The following ESR1 variants were observed in gnomAD, a reference collection of about 807,000 sequenced individuals.
The protein encoded by ESR1 is estrogen receptor.
A neutral mutation model predicts 52.7 loss-of-function variants in ESR1; 12 were observed. That is an observed-to-expected ratio of 0.23 (90% CI 0.15 to 0.37). The LOEUF is 0.37. ESR1 is among the 10% of genes least tolerant of loss of function. ESR1 has a pLI of 1.00. For synonymous variants in ESR1, 305 were observed against 316.8 expected, an observed-to-expected ratio of 0.96 and a Z score of 0.39; for missense variants, 584 against 779.7, an observed-to-expected ratio of 0.75 and a Z score of 2.99.
chr6:151,860,502 A>G (rs1788675186), intron 2 of ESR1, among the ~76,000 whole-genome samples: 1 of 152,204 alleles, frequency 6.6e-6, no homozygotes, highest in Non-Finnish European at 1.5e-5. Context: ...ATATGTATAT[A>G]TAATTGTGTG....
intron 2 of ESR1, among the ~76,000 whole-genome samples, chr6:151,762,219 C>T (rs753588341): frequency 5.9e-5 from 9 of 152,098 alleles, no homozygotes; most frequent in Admixed American, 1.3e-4. Context: ...ATTCTGACAC[C>T]GTTATCTATT....
chr6:151,658,721 G>C (rs929433916), intron 1 of ESR1, among the ~76,000 whole-genome samples: 2 of 151,880 alleles, frequency 1.3e-5, no homozygotes, highest in Admixed American at 1.3e-4. Flanking sequence ...CTATATTCTG[G>C]GCACTGTTCT....
chr6:152,120,275 G>T lies in ESR1; in HGVS notation c.851-4991G>T, dbSNP rs149332995. Reference sequence around the variant, plus strand: ...GGACTTCTCCTTCCAGATATCGGGAGGAGTGACAGGAAAGTGAGGGAAGAG... The same window carrying T: ...GGACTTCTCCTTCCAGATATCGGGATGAGTGACAGGAAAGTGAGGGAAGAG... On this transcript the variant is annotated intron_variant, in intron 6 of 6. Coordinates refer to the ESR1 transcript ENST00000427531. Among the ~76,000 whole-genome samples, 753 of 152,326 alleles carry T rather than the reference G, an allele frequency of 4.9e-3. 2 individuals carry two copies. Among genetic ancestry groups the T allele is most frequent in the Non-Finnish European group, 7.8e-3 (530 of 68,032 alleles).
At chr6:151,940,604 C>T (rs918798779) in intron 3 of ESR1, among the ~76,000 whole-genome samples, 37 of 152,186 alleles carry the variant, frequency 2.4e-4, no homozygotes, top group Admixed American at 2.4e-3. Context: ...TCCTAAATTC[C>T]TCCAAGAAGG....
intron 6 of ESR1, among the ~76,000 whole-genome samples, chr6:152,085,900 G>A (rs183505659): frequency 6.0e-4 from 92 of 152,282 alleles, no homozygotes; most frequent in African/African-American, 2.1e-3. Flanking sequence ...TATTGGTGTG[G>A]TCATCCTTGG....
chr6:152,050,062 C>T (rs562409691), intron 5 of ESR1, among the ~76,000 whole-genome samples: 1 of 152,304 alleles, frequency 6.6e-6, no homozygotes, highest in East Asian at 1.9e-4. Context: ...GGTCGGCTTC[C>T]TTTCATAGAT....
chr6:152,018,723 T>C (rs17082028), intron 5 of ESR1, among the ~76,000 whole-genome samples: 4,797 of 152,154 alleles, frequency 0.032, 240 homozygotes, highest in African/African-American at 0.11. Flanking sequence ...TTTCCAGGAC[T>C]GTTTAGGCCC....
intron 2 of ESR1, 128 bp from the exon 3 acceptor site, chr6:151,880,527 C>T: frequency 2.6e-6 from 2 of 755,220 alleles, no homozygotes; most frequent in Admixed American, 3.5e-5. Context: ...AAAAGGCAGG[C>T]AGGCTGGGGA....
chr6:152,083,002 T>C (rs2049361578), intron 6 of ESR1, among the ~76,000 whole-genome samples: 1 of 152,180 alleles, frequency 6.6e-6, no homozygotes, highest in African/African-American at 2.4e-5. Flanking sequence ...TGCTCGTGGA[T>C]AGGAATAATC....
At chr6:151,735,922 GTGTT>G (rs1411930443) in intron 2 of ESR1, among the ~76,000 whole-genome samples, 1 of 152,116 alleles carries the variant, frequency 6.6e-6, no homozygotes, top group Non-Finnish European at 1.5e-5. Context: ...GTTTTTATAA[GTGTT>G]TGACCATTCC....
chr6:151,766,534 CT>C (rs1364027994), intron 2 of ESR1, among the ~76,000 whole-genome samples: 1 of 151,994 alleles, frequency 6.6e-6, no homozygotes, highest in Non-Finnish European at 1.5e-5. Context: ...TCACACGCCT[CT>C]TTTTTTCACT....
chr6:151,729,698 G>C (rs573144192), intron 2 of ESR1, among the ~76,000 whole-genome samples: 2 of 152,212 alleles, frequency 1.3e-5, no homozygotes, highest in South Asian at 4.2e-4. Flanking sequence ...TTACAGATGG[G>C]GAAACTGAAG....
chr6:151,888,745 A>G (rs750861748), intron 3 of ESR1, among the ~76,000 whole-genome samples: 36 of 151,918 alleles, frequency 2.4e-4, no homozygotes, highest in Non-Finnish European at 4.7e-4. Context: ...TTGTCTTGTT[A>G]TTGATCTTAG....
intron 2 of ESR1, among the ~76,000 whole-genome samples, chr6:151,858,507 G>T (rs1488804259): frequency 6.6e-6 from 1 of 151,596 alleles, no homozygotes; most frequent in Non-Finnish European, 1.5e-5. Context: ...CATCAGCCTG[G>T]AAACAGTGCC....
intron 7 of ESR1, among the ~76,000 whole-genome samples, chr6:152,095,356 G>A (rs991319094): frequency 2.0e-5 from 3 of 152,194 alleles, no homozygotes; most frequent in African/African-American, 7.2e-5. Context: ...GTCATCGGGG[G>A]GAGGTTCTTC....
chr6:151,923,223 A>G (rs1181377940), intron 3 of ESR1, among the ~76,000 whole-genome samples: 1 of 152,104 alleles, frequency 6.6e-6, no homozygotes, highest in Non-Finnish European at 1.5e-5. Flanking sequence ...AGTTTGCTTC[A>G]TGTATTTGTC....
chr6:151,681,810 C>G (rs971038337), intron 1 of ESR1, among the ~76,000 whole-genome samples: 4 of 152,042 alleles, frequency 2.6e-5, no homozygotes, highest in Non-Finnish European at 5.9e-5. Context: ...GGAGGCGGTG[C>G]TTTCTGCCAA....
chr6:151,803,873 C>T (rs74979036), upstream of ESR1, among the ~76,000 whole-genome samples: 454 of 152,034 alleles, frequency 3.0e-3, 6 homozygotes, highest in East Asian at 0.027. Flanking sequence ...GGCACAGACA[C>T]GGGGAAGTTG....
chr6:151,914,778 A>T (rs1446461101), intron 3 of ESR1, among the ~76,000 whole-genome samples: 1 of 152,188 alleles, frequency 6.6e-6, no homozygotes. Context: ...AGCGTCCTCC[A>T]TAGTACATAA....
Sources: gnomAD v4.1 joint callset for allele counts (sites outside exome capture counted in the v4.1 genomes callset) on GRCh38, gnomAD v4.1.1 for gene constraint, MANE v1.5 for transcripts, NCBI Gene and HGNC (gene_info 2026-07-23, HGNC 2026-07-21) for gene names.